The following RBFOX1 variants were observed in gnomAD, a reference collection of about 807,000 sequenced individuals.
The protein encoded by RBFOX1 is RNA binding fox-1 homolog 1.
In RBFOX1, 8 loss-of-function variants were observed where a neutral mutation model predicts 57.7. The ratio of observed to expected loss-of-function variants is 0.14; its 90% confidence interval spans 0.08 to 0.25. The LOEUF is 0.25. Ranked by LOEUF, RBFOX1 falls within the 10% of genes least tolerant of loss-of-function variation. The pLI, the probability that RBFOX1 is intolerant of heterozygous loss-of-function variation, is 1.00. For synonymous variants in RBFOX1, 326 were observed against 222.4 expected (o/e 1.47, Z -4.15); for missense variants, 611 against 548.5 (o/e 1.11, Z -1.14).
chr16:7,517,138 C>CGTGTGTGT lies in RBFOX1; in HGVS notation c.28-966_28-959dup, dbSNP rs200887129. On this transcript the variant is annotated intron_variant, in intron 4 of 15. Coordinates refer to ENST00000550418, the MANE Select transcript of RBFOX1 (RefSeq NM_018723.4). ...ACCTTTGGGTTACAATTTCTTATGC[C>CGTGTGTGT]GTGTGTGTGTGTGTGTGTGTGTGTG... Among the ~76,000 whole-genome samples, 403 of 130,212 alleles carry CGTGTGTGT rather than the reference C, an allele frequency of 3.1e-3. 2 individuals are homozygous for CGTGTGTGT. Among genetic ancestry groups the CGTGTGTGT allele is most frequent in the East Asian group, 0.015 (65 of 4,368 alleles). 85.4% of individuals were successfully genotyped at this position (130,212 alleles called of 152,430 possible).
chr16:7,572,355 G>A (rs1042608410), intron 5 of RBFOX1, among the ~76,000 whole-genome samples: 2 of 152,288 alleles, frequency 1.3e-5, no homozygotes, highest in East Asian at 3.9e-4. Context: ...TTACGCTGCA[G>A]ATATTTACTG....
At chr16:5,924,174 G>A (rs928333516) in intron 4 of RBFOX1, among the ~76,000 whole-genome samples, 1 of 152,100 alleles carries the variant, frequency 6.6e-6, no homozygotes, top group African/African-American at 2.4e-5. Flanking sequence ...TGCCATTATT[G>A]TAAGTTTCCT....
In RBFOX1 at chr16:7,343,343, A is replaced by G. The variant is rs954220495; in HGVS notation, c.28-174804A>G. Among the ~76,000 whole-genome samples, 20 of 152,222 alleles carry G rather than the reference A, an allele frequency of 1.3e-4. No individual in the cohort carries two copies. In the East Asian group the frequency reaches 3.7e-3, roughly 28 times the overall value. On this transcript the variant is annotated intron_variant, in intron 4 of 15. Transcript: ENST00000550418. ...AGCTGCTATGGATCAGTGTCCAGGC[A>G]AGGGAGGAGCATGGGACTCCAGAAC...
At chr16:5,886,062 C>T (rs866761985) in intron 4 of RBFOX1, among the ~76,000 whole-genome samples, 3 of 152,134 alleles carry the variant, frequency 2.0e-5, no homozygotes, top group Non-Finnish European at 2.9e-5. Context: ...CCCGCTCTGC[C>T]GTATCAAAAT....
Position 6,583,232 on chromosome 16 carries a change from G to T in RBFOX1, c.-63-71371G>T, listed in dbSNP as rs191681607. On this transcript the variant is annotated intron_variant, in intron 2 of 15. Transcript: ENST00000550418. ...GTCCTAGCATAAATAAATCACTGTG[G>T]TCCGGGGCACATGGCACTCATTGGC... Among the ~76,000 whole-genome samples the T allele has an allele frequency of 1.4e-4, 22 of 152,240 alleles. No individual in the cohort carries two copies. In the South Asian group the frequency reaches 1.9e-3, roughly 13 times the overall value.
chr16:7,193,167 G>T (rs1037517647), intron 4 of RBFOX1, among the ~76,000 whole-genome samples: 1 of 152,168 alleles, frequency 6.6e-6, no homozygotes, highest in Admixed American at 6.5e-5. Flanking sequence ...GATCCAATAG[G>T]ATTACATAGG....
rs536682493 is a variant in RBFOX1 at position 5,341,823 on chromosome 16, C to T, written c.219+101718C>T. On this transcript the variant is annotated intron_variant, in intron 1 of 2. Coordinates refer to the RBFOX1 transcript ENST00000585867. ...TGGAAGGGGAACACGGAGTTCTCTT[C>T]GGACCATGTTAAGTTTGAGGGGCGA... is the stretch of plus-strand genomic sequence containing the variant. Among the ~76,000 whole-genome samples, 23 of 152,218 alleles carry T rather than the reference C, an allele frequency of 1.5e-4. No individual in the cohort carries two copies. The South Asian group carries it at 1.7e-3, about 11-fold the overall frequency.
At chr16:5,966,123 CAAGT>C (rs2059839027) in intron 4 of RBFOX1, among the ~76,000 whole-genome samples, 1 of 152,100 alleles carries the variant, frequency 6.6e-6, no homozygotes, top group Non-Finnish European at 1.5e-5. Flanking sequence ...TAATATACAT[CAAGT>C]AAACAAATTG....
chr16:6,639,645 G>T (rs1293015280), intron 2 of RBFOX1, among the ~76,000 whole-genome samples: 3 of 152,296 alleles, frequency 2.0e-5, no homozygotes, highest in African/African-American at 7.2e-5. Context: ...GGGAGGCCGA[G>T]GCGGGCGGAT....
intron 3 of RBFOX1, among the ~76,000 whole-genome samples, chr16:6,839,264 C>T (rs369573672): frequency 6.6e-6 from 1 of 152,126 alleles, no homozygotes; most frequent in Non-Finnish European, 1.5e-5. Context: ...GGATTACAGG[C>T]AAGAGCCACT....
intron 2 of RBFOX1, among the ~76,000 whole-genome samples, chr16:6,620,778 T>G (rs368657140): frequency 2.1e-4 from 32 of 152,274 alleles, no homozygotes; most frequent in African/African-American, 7.2e-4. Context: ...CCTGGACGCA[T>G]AGATCCTCCC....
At chr16:5,518,493 T>C (rs2043880135) in intron 2 of RBFOX1, among the ~76,000 whole-genome samples, 1 of 152,230 alleles carries the variant, frequency 6.6e-6, no homozygotes, top group Non-Finnish European at 1.5e-5. Flanking sequence ...TGCTCAAGCA[T>C]GCTGAAGGAC....
intron 4 of RBFOX1, among the ~76,000 whole-genome samples, chr16:7,250,103 C>T (rs1016049235): frequency 6.6e-6 from 1 of 152,150 alleles, no homozygotes; most frequent in Non-Finnish European, 1.5e-5. Flanking sequence ...AGTTGTGTTT[C>T]CTCTGGGAAA....
At chr16:6,700,792 C>G (rs935035869) in intron 3 of RBFOX1, among the ~76,000 whole-genome samples, 12 of 151,942 alleles carry the variant, frequency 7.9e-5, no homozygotes, top group African/African-American at 2.4e-4. Context: ...ATGGCATATC[C>G]CAGCAAGTAA....
chr16:6,423,940 G>A (rs1359226162), intron 2 of RBFOX1, among the ~76,000 whole-genome samples: 1 of 152,166 alleles, frequency 6.6e-6, no homozygotes, highest in Non-Finnish European at 1.5e-5. Flanking sequence ...AGTTGTCCTT[G>A]TATGAAGTGC....
chr16:7,033,247 C>T (rs996837783), intron 3 of RBFOX1, among the ~76,000 whole-genome samples: 1 of 152,184 alleles, frequency 6.6e-6, no homozygotes, highest in Admixed American at 6.5e-5. Context: ...AGGACGGGCA[C>T]AGTGGGTCAC....
intron 1 of RBFOX1, among the ~76,000 whole-genome samples, chr16:5,435,035 A>G (rs899544982): frequency 6.6e-6 from 1 of 152,222 alleles, no homozygotes; most frequent in Non-Finnish European, 1.5e-5. Flanking sequence ...CTTTGTTTAT[A>G]GATTGATTTT....
chr16:6,545,892 C>T (rs182737797), intron 2 of RBFOX1, among the ~76,000 whole-genome samples: 63 of 152,268 alleles, frequency 4.1e-4, no homozygotes, highest in Admixed American at 2.7e-3. Flanking sequence ...GATGCCAGGC[C>T]TAAAGCTCTT....
chr16:7,295,675 C>A (rs376723249), intron 4 of RBFOX1, among the ~76,000 whole-genome samples: 2 of 152,030 alleles, frequency 1.3e-5, no homozygotes, highest in Non-Finnish European at 2.9e-5. Context: ...CAGGTGTACT[C>A]AGGGGAGTAC....
Sources: gnomAD v4.1 joint callset for allele counts (sites outside exome capture counted in the v4.1 genomes callset) on GRCh38, gnomAD v4.1.1 for gene constraint, MANE v1.5 for transcripts, NCBI Gene and HGNC (gene_info 2026-07-23, HGNC 2026-07-21) for gene names.